FOXP2: variants seen among roughly 807,000 people sequenced by gnomAD.
FOXP2 encodes forkhead box P2, also known as forkhead box protein P2.
Under a neutral mutation model 115.8 loss-of-function variants are expected in FOXP2, and 12 were observed. The observed-to-expected ratio is 0.10, with a 90% CI of 0.07 to 0.17. FOXP2 has a LOEUF of 0.17. Ranked by LOEUF, FOXP2 falls within the 10% of genes least tolerant of loss-of-function variation. FOXP2 has a pLI of 1.00. For synonymous variants in FOXP2, 328 were observed against 297.7 expected, an observed-to-expected ratio of 1.10 and a Z score of -1.05; for missense variants, 629 against 843.5, an observed-to-expected ratio of 0.75 and a Z score of 3.15.
At chr7:114,496,307 TG>T (rs1797319226) in intron 2 of FOXP2, among the ~76,000 whole-genome samples, 3 of 152,232 alleles carry the variant, frequency 2.0e-5, no homozygotes, top group African/African-American at 7.2e-5. Context: ...CATTCTGCTA[TG>T]GGGAAAAATA....
chr7:114,418,457 C>T (rs936753684), intron 1 of FOXP2, among the ~76,000 whole-genome samples: 1 of 151,884 alleles, frequency 6.6e-6, no homozygotes, highest in African/African-American at 2.4e-5. Flanking sequence ...ATTAACTTTA[C>T]ATCCACTCAC....
chr7:114,691,435 C>T lies in FOXP2; in HGVS notation c.*1509C>T. The T allele has an allele frequency of 2.2e-6, 1 of 453,984 alleles. No individual in the cohort carries two copies. Among genetic ancestry groups the T allele is most frequent in the South Asian group, 1.6e-5 (1 of 64,472 alleles). The allele number at this position is 453,984 out of a possible 1,614,324, so 28.1% of individuals were successfully genotyped here. On this transcript the variant is annotated 3_prime_UTR_variant, in exon 17 of 17. Coordinates refer to ENST00000350908, the MANE Select transcript of FOXP2 (RefSeq NM_014491.4). Reference sequence around the variant, plus strand: ...AGTCAAACCAAAGTTACATATAATTCTGCCTCTGCTTATACGGGATATTAA... The same window carrying T: ...AGTCAAACCAAAGTTACATATAATTTTGCCTCTGCTTATACGGGATATTAA...
chr7:114,408,726 C>T (rs1298727827), intron 2 of FOXP2, among the ~76,000 whole-genome samples: 1 of 151,792 alleles, frequency 6.6e-6, no homozygotes, highest in Non-Finnish European at 1.5e-5. Context: ...GACTCCCTCT[C>T]AAAAACATAA....
At chr7:114,401,514 C>T (rs1339526472) in intron 2 of FOXP2, among the ~76,000 whole-genome samples, 2 of 152,116 alleles carry the variant, frequency 1.3e-5, no homozygotes, top group Non-Finnish European at 2.9e-5. Context: ...TATTTAAGTG[C>T]CCCAATAATG....
intron 3 of FOXP2, among the ~76,000 whole-genome samples, chr7:114,544,320 A>G (rs569623512): frequency 6.7e-6 from 1 of 149,768 alleles, no homozygotes; most frequent in South Asian, 2.2e-4. Flanking sequence ...CCCTGCCCCC[A>G]CCCAGTTAGA....
intron 1 of FOXP2, among the ~76,000 whole-genome samples, chr7:114,196,918 A>G (rs527421371): frequency 1.3e-5 from 2 of 152,262 alleles, no homozygotes; most frequent in Non-Finnish European, 1.5e-5. Flanking sequence ...TGGGCTGGAC[A>G]TGGTTGCTCA....
chr7:114,214,614 T>A (rs191932006), intron 1 of FOXP2, among the ~76,000 whole-genome samples: 135 of 152,322 alleles, frequency 8.9e-4, no homozygotes, highest in Middle Eastern at 3.4e-3. Flanking sequence ...TATAGGCTGA[T>A]GTACCTCAGG....
At chr7:114,104,396 T>C (rs1413295358) in intron 1 of FOXP2, among the ~76,000 whole-genome samples, 2 of 152,016 alleles carry the variant, frequency 1.3e-5, no homozygotes, top group Admixed American at 1.3e-4. Flanking sequence ...GCATGGCTAA[T>C]TATCTATTAT....
At chr7:114,587,166 T>C (rs1412370735) in intron 3 of FOXP2, among the ~76,000 whole-genome samples, 1 of 152,050 alleles carries the variant, frequency 6.6e-6, no homozygotes, top group Non-Finnish European at 1.5e-5. Context: ...CCTATTAACC[T>C]GTCATCTAGG....
chr7:114,519,821 G>A (rs190220595), intron 2 of FOXP2, among the ~76,000 whole-genome samples: 3 of 152,148 alleles, frequency 2.0e-5, no homozygotes. Context: ...CCAAGATTAC[G>A]AAGTATTTCT....
chr7:114,329,226 T>C (rs1334116850), intron 2 of FOXP2, among the ~76,000 whole-genome samples: 2 of 152,010 alleles, frequency 1.3e-5, no homozygotes, highest in Non-Finnish European at 2.9e-5. Context: ...GCCAAAAAAT[T>C]GTGTTATCTG....
At chr7:114,172,212 A>G (rs1049033765) in intron 1 of FOXP2, among the ~76,000 whole-genome samples, 1 of 152,176 alleles carries the variant, frequency 6.6e-6, no homozygotes, top group Admixed American at 6.5e-5. Flanking sequence ...ATACCAAAGA[A>G]TTTATGTGAC....
At chr7:114,316,453 C>G (rs1527151) in intron 2 of FOXP2, among the ~76,000 whole-genome samples, 85,815 of 152,002 alleles carry the variant, frequency 0.56, 26,938 homozygotes, top group Admixed American at 0.75. Context: ...TCCCTACTTT[C>G]ATTGATGATA....
chr7:114,675,981 C>A (rs1192964642), intron 16 of FOXP2, among the ~76,000 whole-genome samples: 1 of 151,288 alleles, frequency 6.6e-6, no homozygotes, highest in Non-Finnish European at 1.5e-5. Context: ...GCAGTCTCAG[C>A]TCACTGCAAG....
chr7:114,178,464 C>T (rs1379882242), intron 1 of FOXP2, among the ~76,000 whole-genome samples: 2 of 151,868 alleles, frequency 1.3e-5, no homozygotes, highest in East Asian at 3.9e-4. Flanking sequence ...TTGTGACATT[C>T]AAAGGATTTG....
At position 114,457,788 on chromosome 7, in the gene FOXP2, T is replaced by C. The variant is rs545806274; in HGVS notation, c.168+31109T>C. Among the ~76,000 whole-genome samples, 18 of 151,662 alleles carry C rather than the reference T, an allele frequency of 1.2e-4. No individual in the cohort carries two copies. The South Asian group carries it at 3.5e-3, about 30-fold the overall frequency. On this transcript the variant is annotated intron_variant, in intron 2 of 16. Transcript: ENST00000350908. ...TGGCAGGTGCCTGTAGTCCCAGCTA[T>C]TGGGGAGGCTGAGGCAGGAGACTGG... is the stretch of plus-strand genomic sequence containing the variant.
chr7:114,254,082 G>T (rs1040064148), intron 1 of FOXP2, among the ~76,000 whole-genome samples: 8 of 152,132 alleles, frequency 5.3e-5, no homozygotes, highest in African/African-American at 1.9e-4. Context: ...GAAATTCTGG[G>T]TTGAAAATTC....
At chr7:114,297,293 C>A in intron 2 of FOXP2, 1 of 557,596 alleles carries the variant, frequency 1.8e-6, no homozygotes, top group East Asian at 4.2e-5. Flanking sequence ...CCACACACCT[C>A]TGAATCATGT....
chr7:114,484,405 A>G (rs934397479), intron 2 of FOXP2, among the ~76,000 whole-genome samples: 3 of 151,876 alleles, frequency 2.0e-5, no homozygotes, highest in African/African-American at 7.2e-5. Context: ...TGATGTTACT[A>G]TTTTGGTGTA....
Sources: allele counts gnomAD v4.1 joint callset (sites outside exome capture counted in the v4.1 genomes callset), GRCh38; gene constraint gnomAD v4.1.1; transcripts MANE v1.5; gene names NCBI Gene and HGNC (gene_info 2026-07-23, HGNC 2026-07-21).